EPHB2: variants seen among roughly 807,000 people sequenced by gnomAD.
EPHB2 encodes the protein ephrin type-B receptor 2.
Under a neutral mutation model 96.4 loss-of-function variants are expected in EPHB2, and 18 were observed. The observed-to-expected ratio is 0.19, with a 90% confidence interval of 0.13 to 0.28. The LOEUF is 0.28. EPHB2 is among the 10% of genes least tolerant of loss of function. The probability of loss-of-function intolerance (pLI) is 1.00; values close to 1 mark genes in which losing one functional copy is unlikely to be tolerated. For synonymous variants in EPHB2, 506 were observed against 534.1 expected (o/e 0.95, Z 0.72); for missense variants, 989 against 1,355.4 (o/e 0.73, Z 4.25).
In EPHB2 at chr1:22,863,085, C is replaced by T. The variant is rs1473785757; in HGVS notation, c.860C>T (p.Thr287Ile). 1 of 1,614,094 alleles carries T rather than the reference C, an allele frequency of 6.2e-7. No homozygotes were observed. The highest frequency in any genetic ancestry group is 1.3e-5 in the African/African-American group (1 of 74,932). Residue 287 changes from threonine (T) to isoleucine (I), a missense_variant, in exon 4 of 16, where the codon ACC becomes ATC. Physicochemically the swap from Thr to Ile is moderately conservative, Grantham distance 89. Coordinates refer to ENST00000374630, the MANE Select transcript of EPHB2 (RefSeq NM_017449.5). ...FKANQGDEAC[T>I]HCPINSRTTS... ...GCCAACCAAGGGGATGAGGCCTGTA[C>T]CCACTGTCCCATCAACAGCCGGACC... is the stretch of plus-strand genomic sequence containing the variant.
At chr1:22,866,347 G>A (rs1478939253) in intron 5 of EPHB2, among the ~76,000 whole-genome samples, 1 of 152,192 alleles carries the variant, frequency 6.6e-6, no homozygotes, top group Non-Finnish European at 1.5e-5. Flanking sequence ...CACATGGTAA[G>A]CATGCAGGGA....
intron 3 of EPHB2, among the ~76,000 whole-genome samples, chr1:22,789,767 A>G (rs1644664678): frequency 6.6e-6 from 1 of 152,214 alleles, no homozygotes; most frequent in Admixed American, 6.5e-5. Flanking sequence ...CTAGTTGCAG[A>G]ATGTGATGAG....
chr1:22,736,266 C>T (rs1413659873), intron 1 of EPHB2, among the ~76,000 whole-genome samples: 1 of 151,978 alleles, frequency 6.6e-6, no homozygotes, highest in Non-Finnish European at 1.5e-5. Context: ...GGGGATTGGG[C>T]GAGGAGTGAT....
At chr1:22,728,947 G>C (rs545996283) in intron 1 of EPHB2, among the ~76,000 whole-genome samples, 13 of 152,376 alleles carry the variant, frequency 8.5e-5, no homozygotes, top group African/African-American at 3.1e-4. Flanking sequence ...TCTGTCCCAA[G>C]GTGCGAGGTT....
chr1:22,774,529 A>G, intron 1 of EPHB2: 2 of 984,580 alleles, frequency 2.0e-6, no homozygotes, highest in South Asian at 9.4e-5. Context: ...CCAGGCAGAA[A>G]AATCTAGAAA....
In EPHB2 at chr1:22,906,792, G is replaced by C. The variant is rs199972358; in HGVS notation, c.1971G>C (p.Ser657=). 2 of 1,614,202 alleles carry C rather than the reference G, an allele frequency of 1.2e-6. No homozygotes were observed. Among genetic ancestry groups the C allele is most frequent in the African/African-American group, 1.3e-5 (1 of 75,046 alleles). Residue 657 remains serine, a synonymous_variant, in exon 11 of 16, where the codon TCG becomes TCC. Transcript: ENST00000374630. The surrounding 1 kb of genome is among the most constrained non-coding windows in gnomAD (Gnocchi z 4.8). The part of the protein sequence containing the change: ...EIFVAIKTLK[S]GYTEKQRRDF... ...TTGTGGCCATCAAGACGCTCAAGTC[G>C]GGCTACACGGAGAAGCAGCGCCGGG...
intron 8 of EPHB2, 75 bp from the exon 9 acceptor site, chr1:22,896,339 C>T (rs1402167284): frequency 5.6e-6 from 9 of 1,601,606 alleles, no homozygotes; most frequent in African/African-American, 5.4e-5. Flanking sequence ...CCCACCCTCT[C>T]CCTATCACCT....
chr1:22,721,173 ATTG>A (rs1643457479), intron 1 of EPHB2, among the ~76,000 whole-genome samples: 1 of 152,194 alleles, frequency 6.6e-6, no homozygotes. Flanking sequence ...TGGGCCAGTT[ATTG>A]TCAAATTAAG....
At chr1:22,757,345 C>G (rs115407507) in intron 1 of EPHB2, among the ~76,000 whole-genome samples, 2,307 of 152,106 alleles carry the variant, frequency 0.015, 70 homozygotes, top group African/African-American at 0.052. Context: ...TAGAGACAGT[C>G]AGGGAGGGTT....
intron 1 of EPHB2, among the ~76,000 whole-genome samples, chr1:22,755,368 C>G (rs1052320543): frequency 1.3e-5 from 2 of 151,998 alleles, no homozygotes; most frequent in African/African-American, 4.8e-5. Context: ...AAACAAAGAC[C>G]GAAAAAACAT....
chr1:22,855,680 A>G (rs781126945), intron 3 of EPHB2, among the ~76,000 whole-genome samples: 8 of 152,254 alleles, frequency 5.3e-5, no homozygotes, highest in Non-Finnish European at 1.0e-4. Flanking sequence ...TGAATATAAT[A>G]ATAGCCAACA....
intron 6 of EPHB2, among the ~76,000 whole-genome samples, chr1:22,886,801 T>C (rs1223426476): frequency 6.6e-6 from 1 of 151,978 alleles, no homozygotes; most frequent in Non-Finnish European, 1.5e-5. Flanking sequence ...TAATTTTGTA[T>C]TTTAAGTAGA....
intron 3 of EPHB2, among the ~76,000 whole-genome samples, chr1:22,847,136 G>T (rs756911018): frequency 6.6e-6 from 1 of 152,198 alleles, no homozygotes; most frequent in African/African-American, 2.4e-5. Flanking sequence ...GTACTCATGG[G>T]GTTGCTGTAG....
intron 9 of EPHB2, among the ~76,000 whole-genome samples, chr1:22,904,569 A>G (rs1169626401): frequency 6.6e-6 from 1 of 152,196 alleles, no homozygotes; most frequent in East Asian, 1.9e-4. Flanking sequence ...ACCCACACAA[A>G]TAATCCCAAA....
chr1:22,744,462 A>T (rs993872464), intron 1 of EPHB2, among the ~76,000 whole-genome samples: 6 of 136,484 alleles, frequency 4.4e-5, no homozygotes, highest in South Asian at 4.3e-4. Flanking sequence ...TTTGTATGTT[A>T]TATATATATA....
At position 22,767,122 on chromosome 1, in the gene EPHB2, A is replaced by G. The variant is rs191154350; in HGVS notation, c.62-14299A>G. ...TGTCTCCAGGTCACACTGGGCACCA[A>G]TGGCCTTCATCCTCCACTTAGCAGC... On this transcript the variant is annotated intron_variant, in intron 1 of 15. Transcript: ENST00000374630. Among the ~76,000 whole-genome samples the G allele has an allele frequency of 2.5e-3, 376 of 152,308 alleles. 2 individuals are homozygous for G. Among genetic ancestry groups the G allele is most frequent in the African/African-American group, 8.4e-3 (350 of 41,582 alleles).
chr1:22,712,195 T>TCTTGAACA (rs1248020316), intron 1 of EPHB2, among the ~76,000 whole-genome samples: 1 of 152,226 alleles, frequency 6.6e-6, no homozygotes, highest in Non-Finnish European at 1.5e-5. Context: ...CAGGTAGGTA[T>TCTTGAACA]GATTCCTACT....
intron 3 of EPHB2, among the ~76,000 whole-genome samples, chr1:22,801,474 C>T (rs1644842403): frequency 6.6e-6 from 1 of 152,028 alleles, no homozygotes; most frequent in African/African-American, 2.4e-5. Flanking sequence ...AGGGCTTTGT[C>T]GAACTTCACC....
intron 5 of EPHB2, among the ~76,000 whole-genome samples, chr1:22,878,025 C>T (rs1320038191): frequency 6.6e-6 from 1 of 152,226 alleles, no homozygotes. Flanking sequence ...CTACAATTGT[C>T]CTTTGTTGGG....
Sources: allele counts gnomAD v4.1 joint callset (sites outside exome capture counted in the v4.1 genomes callset), GRCh38; gene constraint gnomAD v4.1.1; non-coding constraint Gnocchi (gnomAD v3.1); transcripts MANE v1.5; gene names NCBI Gene and HGNC (gene_info 2026-07-23, HGNC 2026-07-21).